Variants in LUZP2 observed in about 807,000 individuals in gnomAD.
LUZP2 encodes the protein leucine zipper protein 2.
LUZP2 carries 52 observed loss-of-function variants against 51.6 expected under a neutral mutation model. That is an observed-to-expected ratio of 1.01 (90% confidence interval 0.81 to 1.27). The LOEUF (loss-of-function observed/expected upper bound fraction) is 1.27, where lower values mean the gene tolerates loss of function less well. Among genes scored for constraint, LUZP2 ranks in the 50% most tolerant of loss-of-function variants. The probability of loss-of-function intolerance (pLI) is 0.00; values close to 1 mark genes in which losing one functional copy is unlikely to be tolerated. For missense variants in LUZP2, 436 were observed against 395.4 expected, an observed-to-expected ratio of 1.10 and a Z score of -0.87; for synonymous variants, 154 against 137.3, an observed-to-expected ratio of 1.12 and a Z score of -0.85.
chr11:24,883,927 C>G (rs1473842232), intron 5 of LUZP2, among the ~76,000 whole-genome samples: 1 of 151,972 alleles, frequency 6.6e-6, no homozygotes, highest in Non-Finnish European at 1.5e-5. Context: ...AGTGGGAGGT[C>G]TGCTCTTAAT....
In LUZP2 at chr11:24,763,323, A is replaced by T; in HGVS notation, c.396+15A>T. 8.2e-7 allele frequency: 1 copy of T among 1,222,956 alleles called. No homozygotes were observed. The highest frequency in any genetic ancestry group is 1.1e-6 in the Non-Finnish European group (1 of 900,498). The allele number at this position is 1,222,956 out of a possible 1,614,324, so 75.8% of individuals were successfully genotyped here. On this transcript the variant is annotated intron_variant, in intron 5 of 11. Transcript: ENST00000336930. ...TCCAGAATGAGGTAAGATATATTTC[A>T]TCTTAGATACATTTTATATAGATCA...
intron 1 of LUZP2, among the ~76,000 whole-genome samples, chr11:24,679,632 A>G (rs191527990): frequency 1.3e-5 from 2 of 152,246 alleles, no homozygotes; most frequent in African/African-American, 4.8e-5. Context: ...AACTTTTCCA[A>G]TATTATCATT....
At chr11:24,572,209 T>C (rs555748598) in intron 1 of LUZP2, among the ~76,000 whole-genome samples, 18 of 152,156 alleles carry the variant, frequency 1.2e-4, no homozygotes, top group South Asian at 8.3e-4. Context: ...CTATTTTAAA[T>C]AAACTGAATT....
At chr11:24,534,581 G>C (rs953131110) in intron 1 of LUZP2, among the ~76,000 whole-genome samples, 2 of 151,148 alleles carry the variant, frequency 1.3e-5, no homozygotes, top group African/African-American at 2.4e-5. Context: ...ACATTTAAAA[G>C]GATAAAGTAA....
chr11:25,011,266 T>G (rs1250483663), intron 9 of LUZP2, among the ~76,000 whole-genome samples: 1 of 152,214 alleles, frequency 6.6e-6, no homozygotes, highest in East Asian at 1.9e-4. Context: ...TTATAATATG[T>G]ACATGAGCAT....
At chr11:24,644,420 C>T (rs1026344761) in intron 1 of LUZP2, among the ~76,000 whole-genome samples, 2 of 152,054 alleles carry the variant, frequency 1.3e-5, no homozygotes, top group Admixed American at 6.6e-5. Flanking sequence ...AGGACATCCT[C>T]ATCTGCTTTC....
At chr11:24,939,092 A>T (rs1854672807) in intron 7 of LUZP2, among the ~76,000 whole-genome samples, 1 of 152,000 alleles carries the variant, frequency 6.6e-6, no homozygotes, top group African/African-American at 2.4e-5. Flanking sequence ...TAATTTTAAA[A>T]TTCTGTAGAC....
At chr11:24,923,588 T>C (rs1015457549) in intron 7 of LUZP2, among the ~76,000 whole-genome samples, 6 of 151,970 alleles carry the variant, frequency 3.9e-5, no homozygotes, top group Non-Finnish European at 7.4e-5. Context: ...TCCCAACTAC[T>C]TGGGAGGCTG....
At chr11:24,807,420 C>A (rs1226691541) in intron 5 of LUZP2, among the ~76,000 whole-genome samples, 1 of 149,108 alleles carries the variant, frequency 6.7e-6, no homozygotes, top group African/African-American at 2.5e-5. Flanking sequence ...GAGATCACAC[C>A]ATTGCACTCC....
At chr11:24,654,740 G>C (rs896581470) in intron 1 of LUZP2, among the ~76,000 whole-genome samples, 29 of 151,236 alleles carry the variant, frequency 1.9e-4, no homozygotes, top group African/African-American at 6.6e-4. Flanking sequence ...GGCCAGGCTG[G>C]TCTTGAGCTT....
At chr11:24,904,407 C>T (rs542324796) in intron 5 of LUZP2, among the ~76,000 whole-genome samples, 3 of 152,092 alleles carry the variant, frequency 2.0e-5, no homozygotes, top group South Asian at 2.1e-4. Flanking sequence ...CTCAGCCTCC[C>T]GAGTAGCTGG....
intron 5 of LUZP2, among the ~76,000 whole-genome samples, chr11:24,878,800 A>G (rs775885316): frequency 6.6e-6 from 1 of 151,366 alleles, no homozygotes; most frequent in Non-Finnish European, 1.5e-5. Flanking sequence ...GCCCTGGTGT[A>G]TGCTGTTCCC....
intron 7 of LUZP2, among the ~76,000 whole-genome samples, chr11:24,943,162 C>A (rs1296469261): frequency 6.6e-6 from 1 of 152,040 alleles, no homozygotes; most frequent in East Asian, 1.9e-4. Context: ...CTGAATATGA[C>A]ATGTAAAAAA....
At chr11:24,984,570 A>T (rs1395865303) in intron 9 of LUZP2, among the ~76,000 whole-genome samples, 1 of 111,694 alleles carries the variant, frequency 9.0e-6, no homozygotes, top group Non-Finnish European at 1.9e-5. Context: ...TTTAAAAGCC[A>T]CAAGTTCACG....
At chr11:24,891,427 C>G in intron 5 of LUZP2, 3 of 959,198 alleles carry the variant, frequency 3.1e-6, no homozygotes, top group Non-Finnish European at 3.7e-6. Flanking sequence ...AATTAAAGAA[C>G]AACTGGAAAA....
At chr11:25,070,720 A>T (rs1859130241) in intron 10 of LUZP2, among the ~76,000 whole-genome samples, 1 of 151,498 alleles carries the variant, frequency 6.6e-6, no homozygotes, top group Non-Finnish European at 1.5e-5. Flanking sequence ...CAGATACATG[A>T]TAAGTTCATA....
chr11:24,813,843 T>C (rs1850093102), intron 5 of LUZP2, among the ~76,000 whole-genome samples: 1 of 152,204 alleles, frequency 6.6e-6, no homozygotes, highest in South Asian at 2.1e-4. Context: ...GATAGAATAG[T>C]GGTCAATGAT....
chr11:24,833,340 C>G (rs544696749), intron 5 of LUZP2, among the ~76,000 whole-genome samples: 109 of 152,224 alleles, frequency 7.2e-4, no homozygotes, highest in African/African-American at 2.5e-3. Context: ...ACTGGGATTG[C>G]TAAAATCAAA....
At chr11:24,911,391 T>G (rs1853628908) in intron 6 of LUZP2, among the ~76,000 whole-genome samples, 1 of 152,150 alleles carries the variant, frequency 6.6e-6, no homozygotes, top group South Asian at 2.1e-4. Flanking sequence ...TCACCTTGAT[T>G]TGTAATCCCA....
Sources: allele counts gnomAD v4.1 joint callset (sites outside exome capture counted in the v4.1 genomes callset), GRCh38; gene constraint gnomAD v4.1.1; transcripts MANE v1.5; gene names NCBI Gene and HGNC (gene_info 2026-07-23, HGNC 2026-07-21).